ACTR3C: variants seen among roughly 807,000 people sequenced by gnomAD.
ACTR3C encodes actin related protein 3C, also known as actin-related protein 3C.
A neutral mutation model predicts 26.3 loss-of-function variants in ACTR3C; 18 were observed. The ratio of observed to expected loss-of-function variants is 0.68; its 90% confidence interval spans 0.47 to 1.01. ACTR3C has a LOEUF of 1.01. Ranked by LOEUF, ACTR3C falls within the 50% of genes least tolerant of loss-of-function variation. ACTR3C has a pLI of 0.00. For synonymous variants in ACTR3C, 55 were observed against 94.5 expected, an observed-to-expected ratio of 0.58 and a Z score of 2.42; for missense variants, 184 against 250.7, an observed-to-expected ratio of 0.73 and a Z score of 1.80.
the ACTR3C span, among the ~76,000 whole-genome samples, chr7:150,085,217 G>A: frequency 2.6e-5 from 4 of 152,264 alleles, no homozygotes; most frequent in South Asian, 2.1e-4. Flanking sequence ...GTTCACTTAC[G>A]AAGATAAGGC....
the ACTR3C span, chr7:150,076,685 G>A: frequency 4.6e-5 from 7 of 152,200 alleles, no homozygotes; most frequent in Non-Finnish European, 1.0e-4. Context: ...TTTGAAGGTA[G>A]TAGAACTCAA....
At chr7:150,316,864 A>G (rs1563213527) in intron 1 of ACTR3C, among the ~76,000 whole-genome samples, 1 of 152,120 alleles carries the variant, frequency 6.6e-6, no homozygotes, top group Non-Finnish European at 1.5e-5. Context: ...GGGAGAACCG[A>G]TATCTTTTAG....
chr7:150,291,790 G>C (rs1226328364), intron 3 of ACTR3C, among the ~76,000 whole-genome samples: 9 of 152,024 alleles, frequency 5.9e-5, no homozygotes, highest in Non-Finnish European at 1.2e-4. Flanking sequence ...TTCTCGGTGA[G>C]TGCTCTGCAC....
At chr7:150,016,671 G>C in the ACTR3C span, among the ~76,000 whole-genome samples, 103 of 152,226 alleles carry the variant, frequency 6.8e-4, 5 homozygotes, top group South Asian at 0.021. Context: ...TGAACTTACA[G>C]ACGGAGGTAT....
At chr7:150,070,846 G>A in the ACTR3C span, among the ~76,000 whole-genome samples, 1 of 149,566 alleles carries the variant, frequency 6.7e-6, no homozygotes, top group Non-Finnish European at 1.5e-5. Flanking sequence ...CCAGGTTGGA[G>A]TGCAGTGGCG....
At chr7:150,032,896 A>C in the ACTR3C span, among the ~76,000 whole-genome samples, 1 of 152,188 alleles carries the variant, frequency 6.6e-6, no homozygotes, top group Non-Finnish European at 1.5e-5. Flanking sequence ...AACCATGAGC[A>C]AATGTCCAGA....
chr7:149,919,529 C>T, the ACTR3C span, among the ~76,000 whole-genome samples: 38 of 151,890 alleles, frequency 2.5e-4, no homozygotes, highest in African/African-American at 8.7e-4. Flanking sequence ...CGTGAGCCAC[C>T]GCGTCTGGCC....
the ACTR3C span, among the ~76,000 whole-genome samples, chr7:150,198,096 T>C: frequency 6.6e-6 from 1 of 151,474 alleles, no homozygotes; most frequent in Admixed American, 6.5e-5. Context: ...TCCGCCAGCC[T>C]TGGCCTCCCG....
intron 6 of ACTR3C, among the ~76,000 whole-genome samples, chr7:150,267,654 C>T (rs186507132): frequency 1.4e-4 from 22 of 152,306 alleles, no homozygotes; most frequent in African/African-American, 5.3e-4. Flanking sequence ...AATTTATAAA[C>T]TTTATCAAAA....
the ACTR3C span, among the ~76,000 whole-genome samples, chr7:149,978,879 A>G: frequency 1.3e-5 from 2 of 152,086 alleles, no homozygotes; most frequent in African/African-American, 4.8e-5. Flanking sequence ...TGATCCCAGC[A>G]GGCTCCAGCC....
the ACTR3C span, among the ~76,000 whole-genome samples, chr7:149,906,418 T>C: frequency 3.1e-4 from 1 of 3,224 alleles, no homozygotes; most frequent in Non-Finnish European, 2.3e-3. Context: ...GTTTCTTTTT[T>C]TTTTTTTTTT....
the ACTR3C span, among the ~76,000 whole-genome samples, chr7:150,038,152 A>C: frequency 7.0e-6 from 1 of 142,434 alleles, no homozygotes; most frequent in Non-Finnish European, 1.6e-5. Flanking sequence ...GCCATCACAA[A>C]ATGGGGGGCC....
At chr7:150,234,538 A>AG in the ACTR3C span, among the ~76,000 whole-genome samples, 1 of 152,296 alleles carries the variant, frequency 6.6e-6, no homozygotes, top group South Asian at 2.1e-4. Flanking sequence ...GTGTGACCCC[A>AG]GGAGTTTATC....
intron 6 of ACTR3C, among the ~76,000 whole-genome samples, chr7:150,270,920 G>A (rs796173490): frequency 6.6e-6 from 1 of 152,104 alleles, no homozygotes; most frequent in Non-Finnish European, 1.5e-5. Flanking sequence ...AACTCTTGCT[G>A]TTCTGGGGAT....
chr7:150,032,564 G>C, the ACTR3C span, among the ~76,000 whole-genome samples: 3 of 151,868 alleles, frequency 2.0e-5, no homozygotes, highest in East Asian at 2.0e-4. Context: ...TCGTTAGGAA[G>C]TGTAAAACTT....
At chr7:150,309,634 C>T (rs968697387) in intron 1 of ACTR3C, among the ~76,000 whole-genome samples, 1 of 152,184 alleles carries the variant, frequency 6.6e-6, no homozygotes, top group African/African-American at 2.4e-5. Context: ...TCAAGTGCCG[C>T]AAAACTGGCC....
At chr7:150,059,811 T>C in the ACTR3C span, among the ~76,000 whole-genome samples, 10 of 152,302 alleles carry the variant, frequency 6.6e-5, no homozygotes, top group East Asian at 1.3e-3. Context: ...GAGTTGAAGA[T>C]GACAGGCTTG....
chr7:150,169,688 A>G, the ACTR3C span, among the ~76,000 whole-genome samples: 1 of 150,872 alleles, frequency 6.6e-6, no homozygotes, highest in Non-Finnish European at 1.5e-5. Flanking sequence ...TGAAATAGAA[A>G]GACACAATTA....
intron 6 of ACTR3C, among the ~76,000 whole-genome samples, chr7:150,256,758 G>A (rs1462078011): frequency 2.1e-5 from 3 of 143,052 alleles, no homozygotes; most frequent in Non-Finnish European, 4.4e-5. Flanking sequence ...AACCTAAAAT[G>A]AAAGTTGTAA....
Sources: allele counts gnomAD v4.1 joint callset (sites outside exome capture counted in the v4.1 genomes callset), GRCh38; gene constraint gnomAD v4.1.1; transcripts MANE v1.5; gene names NCBI Gene and HGNC (gene_info 2026-07-23, HGNC 2026-07-21).